The following BAG2 variants were observed in gnomAD, a reference collection of about 807,000 sequenced individuals.
BAG2 encodes the protein BAG cochaperone 2.
In BAG2, 8 loss-of-function variants were observed where a neutral mutation model predicts 16.4. That is an observed-to-expected ratio of 0.49 (90% CI 0.29 to 0.88). The LOEUF is 0.88. BAG2 is among the 40% of genes least tolerant of loss of function. The pLI is 0.09. For synonymous variants in BAG2, 82 were observed against 89.2 expected, an observed-to-expected ratio of 0.92 and a Z score of 0.46; for missense variants, 218 against 248.9, an observed-to-expected ratio of 0.88 and a Z score of 0.84.
chr6:57,180,090 T>A (rs967729352), intron 1 of BAG2, among the ~76,000 whole-genome samples: 1 of 151,870 alleles, frequency 6.6e-6, no homozygotes, highest in Non-Finnish European at 1.5e-5. Context: ...TAAATCAAGG[T>A]TGCCAGTGAC....
chr6:57,175,339 A>G (rs1389331817), intron 1 of BAG2, among the ~76,000 whole-genome samples: 1 of 152,130 alleles, frequency 6.6e-6, no homozygotes, highest in Non-Finnish European at 1.5e-5. Flanking sequence ...CTTATGTTAT[A>G]GTTCCTGGCT....
At chr6:57,182,288 T>TAATGAACTGACAGCTG in intron 2 of BAG2, 147 bp downstream of exon 2, 1 of 570,268 alleles carries the variant, frequency 1.8e-6, no homozygotes, top group Non-Finnish European at 3.0e-6. Context: ...GCTGCAGCTG[T>TAATGAACTGACAGCTG]CAGTTCATTA....
intron 1 of BAG2, among the ~76,000 whole-genome samples, chr6:57,178,632 T>A (rs1304829237): frequency 1.3e-5 from 2 of 152,210 alleles, no homozygotes; most frequent in Admixed American, 6.5e-5. Context: ...CTGAGATCTT[T>A]ACATTTTGAA....
Position 57,187,542 on chromosome 6 carries a change from A to AATG in BAG2, c.*3355_*3357dup, listed in dbSNP as rs1262673388. 1.3e-5 allele frequency: 2 copies of AATG among 152,232 alleles called. No individual in the cohort carries two copies. Among genetic ancestry groups the AATG allele is most frequent in the Admixed American group, 6.5e-5 (1 of 15,290 alleles). 9.4% of individuals were successfully genotyped at this position (152,232 alleles called of 1,614,324 possible). The stretch of plus-strand genomic sequence containing the variant: ...CATTTTGTTTTCAGAGAAACAGACT[A>AATG]ATGATAGATTAATGGGAACATTTTA... On this transcript the variant is annotated 3_prime_UTR_variant, in exon 3 of 3. Coordinates refer to ENST00000370693, the MANE Select transcript of BAG2 (RefSeq NM_004282.4).
intron 1 of BAG2, chr6:57,173,522 GAA>G: frequency 1.1e-5 from 11 of 976,622 alleles, no homozygotes; most frequent in Non-Finnish European, 1.3e-5. Context: ...CTGAAAGCAT[GAA>G]AAGATAGTTT....
At chr6:57,181,770 A>G (rs1201311325) in intron 1 of BAG2, among the ~76,000 whole-genome samples, 1 of 152,242 alleles carries the variant, frequency 6.6e-6, no homozygotes, top group South Asian at 2.1e-4. Context: ...TATAAATTCA[A>G]AATATACAAA....
In BAG2 at chr6:57,184,780, T is replaced by C. The variant is rs1243657747; in HGVS notation, c.*590T>C. 6.6e-6 allele frequency: 1 copy of C among 152,660 alleles called. No homozygotes were observed. The highest frequency in any genetic ancestry group is 1.5e-5 in the Non-Finnish European group (1 of 68,022). The allele number at this position is 152,660 out of a possible 1,614,324, so 9.5% of individuals were successfully genotyped here. A position where few individuals can be genotyped will look rare whatever the true frequency, so the allele number is the denominator to read the frequency against. Reference sequence around the variant, plus strand: ...ATATACAAGAAACTGACATAAAATGTGAGAAAACCACCTATAATTTACCAC... The same window carrying C: ...ATATACAAGAAACTGACATAAAATGCGAGAAAACCACCTATAATTTACCAC... On this transcript the variant is annotated 3_prime_UTR_variant, in exon 3 of 3. Transcript: ENST00000370693.
chr6:57,179,697 T>C (rs1419790283), intron 1 of BAG2, among the ~76,000 whole-genome samples: 1 of 152,186 alleles, frequency 6.6e-6, no homozygotes, highest in Non-Finnish European at 1.5e-5. Context: ...CCTGGAAGTA[T>C]AGAACATGTT....
At chr6:57,177,884 A>C (rs1764328291) in intron 1 of BAG2, among the ~76,000 whole-genome samples, 1 of 152,202 alleles carries the variant, frequency 6.6e-6, no homozygotes. Context: ...GAGACTGCAG[A>C]GGTTTGTGAG....
At position 57,188,888 on chromosome 6, in the gene BAG2, T is replaced by C. The variant is rs1403930094; in HGVS notation, c.*4698T>C. The C allele has an allele frequency of 6.6e-6, 1 of 152,062 alleles. No homozygotes were observed. The highest frequency in any genetic ancestry group is 2.1e-4 in the South Asian group (1 of 4,818). 9.4% of individuals were successfully genotyped at this position (152,062 alleles called of 1,614,324 possible). On this transcript the variant is annotated 3_prime_UTR_variant, in exon 3 of 3. Transcript: ENST00000370693. The stretch of plus-strand genomic sequence containing the variant: ...CCAGGAAATTTGATTTTCTCAACAT[T>C]AGGAGGATGAGGGGAGTACAGATGG...
At chr6:57,172,849 C>A in intron 1 of BAG2, 39 bp downstream of exon 1, 2 of 1,418,658 alleles carry the variant, frequency 1.4e-6, no homozygotes, top group African/African-American at 1.5e-5. Flanking sequence ...TTCTGCTCGC[C>A]GCGCGGGCGG....
At chr6:57,176,088 TTAC>T (rs1246814331) in intron 1 of BAG2, among the ~76,000 whole-genome samples, 1 of 152,202 alleles carries the variant, frequency 6.6e-6, no homozygotes, top group East Asian at 1.9e-4. Context: ...TTCTGTGTTG[TTAC>T]AGTGTGAGAG....
intron 1 of BAG2, chr6:57,173,870 C>T (rs1764201985): frequency 6.5e-6 from 1 of 154,342 alleles, no homozygotes; most frequent in Non-Finnish European, 1.4e-5. Flanking sequence ...CATTAATACA[C>T]CCAAACATGA....
At chr6:57,177,935 C>T (rs1444115596) in intron 1 of BAG2, among the ~76,000 whole-genome samples, 2 of 152,150 alleles carry the variant, frequency 1.3e-5, no homozygotes, top group Admixed American at 6.5e-5. Context: ...GCATGCGCTC[C>T]GGTTTTGTCT....
At chr6:57,174,103 G>T in intron 1 of BAG2, 2 of 728,642 alleles carry the variant, frequency 2.7e-6, no homozygotes, top group South Asian at 7.9e-5. Flanking sequence ...CACAATACTG[G>T]CAAACCTGAC....
At chr6:57,174,850 ATAAAG>A (rs1023006460) in intron 1 of BAG2, among the ~76,000 whole-genome samples, 25 of 152,224 alleles carry the variant, frequency 1.6e-4, no homozygotes, top group African/African-American at 6.0e-4. Context: ...TTGTTGACTA[ATAAAG>A]TAGTGTAACT....
Position 57,189,457 on chromosome 6 carries a change from A to AGAT in BAG2, c.*5269_*5271dup, listed in dbSNP as rs1366558256. On this transcript the variant is annotated 3_prime_UTR_variant, in exon 3 of 3. Coordinates refer to ENST00000370693, the MANE Select transcript of BAG2 (RefSeq NM_004282.4). The stretch of plus-strand genomic sequence containing the variant: ...TTCTCAGTGAGCAGCAAAAGGTGTT[A>AGAT]GATGCATCACCACACTTCACAGGAC... 3 of 152,228 alleles carry AGAT rather than the reference A, an allele frequency of 2.0e-5. No homozygotes were observed. The allele number at this position is 152,228 out of a possible 1,614,324, so 9.4% of individuals were successfully genotyped here. A position where few individuals can be genotyped will look rare whatever the true frequency, so the allele number is the denominator to read the frequency against.
chr6:57,178,577 T>G (rs1012841040), intron 1 of BAG2, among the ~76,000 whole-genome samples: 3 of 152,120 alleles, frequency 2.0e-5, no homozygotes, highest in Admixed American at 6.6e-5. Context: ...GAATGCTACC[T>G]GAAGAGGGAA....
Position 57,184,177 on chromosome 6 carries a change from G to A in BAG2, c.623G>A (p.Ser208Asn). The change falls in exon 3 of 3, where the codon AGC (serine) becomes AAC (asparagine). Residue 208 changes from serine (S) to asparagine (N), a missense_variant. Ser to Asn is a conservative substitution (Grantham distance 46). Around this residue, in one of 3 missense-constraint regions of BAG2, gnomAD observed 113 missense variants for 128.0 expected, o/e 0.88. Transcript: ENST00000370693. ...AAAACTCTGCAACAAAATGCTGAAAGCAGATTCAATTAGTCTTCAAACCTA... is the reference window on the plus strand; with the variant it reads ...AAAACTCTGCAACAAAATGCTGAAAACAGATTCAATTAGTCTTCAAACCTA... ...GSKTLQQNAE[S>N]RFN The A allele has an allele frequency of 1.9e-6, 3 of 1,544,514 alleles. No individual in the cohort carries two copies. Among genetic ancestry groups the A allele is most frequent in the Non-Finnish European group, 2.6e-6 (3 of 1,154,820 alleles).
Sources: allele counts gnomAD v4.1 joint callset (sites outside exome capture counted in the v4.1 genomes callset), GRCh38; gene constraint gnomAD v4.1.1; regional missense constraint gnomAD v4.1.1; transcripts MANE v1.5; gene names NCBI Gene and HGNC (gene_info 2026-07-23, HGNC 2026-07-21).